Variants in CYTL1 observed in about 807,000 individuals in gnomAD.
The protein encoded by CYTL1 is cytokine like 1.
A neutral mutation model predicts 13.1 loss-of-function variants in CYTL1; 17 were observed. The observed-to-expected ratio is 1.29, with a 90% CI of 0.89 to 1.94. The LOEUF is 1.94. Among genes scored for constraint, CYTL1 ranks in the 30% most tolerant of loss-of-function variants. CYTL1 has a pLI of 0.00. For missense variants in CYTL1, 213 were observed against 174.8 expected (o/e 1.22, Z -1.23); for synonymous variants, 91 against 79.4 (o/e 1.15, Z -0.78).
At chr4:5,017,237 G>A (rs1431861821) in intron 1 of CYTL1, 58 bp from the exon 2 acceptor site, 1 of 1,566,650 alleles carries the variant, frequency 6.4e-7, no homozygotes, top group East Asian at 2.2e-5. Flanking sequence ...GGTCACAAAA[G>A]TCTCCCTAGT....
At chr4:5,019,003 CTTTTTTTTTTTTTTTTT>C (rs1186542271) in intron 1 of CYTL1, among the ~76,000 whole-genome samples, 1 of 89,646 alleles carries the variant, frequency 1.1e-5, no homozygotes, top group Non-Finnish European at 2.1e-5. Context: ...TTTCTTTTTT[CTTTTTTTTTTTTTTTTT>C]TTTTTTTACA....
chr4:5,015,451 A>G (rs1453043071), intron 3 of CYTL1, among the ~76,000 whole-genome samples: 1 of 152,004 alleles, frequency 6.6e-6, no homozygotes, highest in Non-Finnish European at 1.5e-5. Context: ...ATTCCAATAA[A>G]ATTTCATGTT....
chr4:5,017,282 G>A, intron 1 of CYTL1, 103 bp from the exon 2 acceptor site: 3 of 1,104,474 alleles, frequency 2.7e-6, no homozygotes, highest in Non-Finnish European at 2.6e-6. Flanking sequence ...CCAGATCCCT[G>A]GGGCCCTCCC....
At chr4:5,018,661 C>T (rs1320680039) in intron 1 of CYTL1, among the ~76,000 whole-genome samples, 6 of 152,232 alleles carry the variant, frequency 3.9e-5, no homozygotes, top group Non-Finnish European at 8.8e-5. Context: ...GAAGATCGTG[C>T]TCACATCAGC....
At position 5,017,051 on chromosome 4, in the gene CYTL1, C is replaced by T. The variant is rs954448779; in HGVS notation, c.198+84G>A. ...TGAGCTGCATAAGATCTCTCCCTGA[C>T]TCTGTGCCACACAGCCAGCAGCAGA... On this transcript the variant is annotated intron_variant, in intron 2 of 3. Coordinates refer to ENST00000307746, the MANE Select transcript of CYTL1 (RefSeq NM_018659.3). 1.8e-4 allele frequency: 295 copies of T among 1,605,792 alleles called. 2 individuals carry two copies. The highest frequency in any genetic ancestry group is 5.2e-4 in the Admixed American group (31 of 59,748).
Position 5,017,117 on chromosome 4 carries a change from C to A in CYTL1, c.198+18G>T, listed in dbSNP as rs765122406. The A allele has an allele frequency of 3.0e-5, 48 of 1,612,834 alleles. No homozygotes were observed. The highest frequency in any genetic ancestry group is 3.9e-5 in the Non-Finnish European group (46 of 1,179,354). ...CCCTCAGCCCAAGACCTCCCTCCCC[C>A]AGGGAGAACCCTCTTACGTGTATGT... On this transcript the variant is annotated intron_variant, in intron 2 of 3. Transcript: ENST00000307746.
chr4:5,019,314 G>C lies in CYTL1; in HGVS notation c.132C>G (p.Leu44=). Reference sequence around the variant, plus strand: ...TCACCGAGGGCTCCGAGACCTGCAGGAGGTTGAAGTCGCGGGTGATCTCCT... The same window carrying C: ...TCACCGAGGGCTCCGAGACCTGCAGCAGGTTGAAGTCGCGGGTGATCTCCT... The part of the protein sequence containing the change: ...LSQEITRDFN[L]LQVSEPSEPC... Residue 44 remains leucine, a synonymous_variant, in exon 1 of 4, where the codon CTC becomes CTG. Coordinates refer to ENST00000307746, the MANE Select transcript of CYTL1 (RefSeq NM_018659.3). 6.6e-7 allele frequency: 1 copy of C among 1,509,428 alleles called. No homozygotes were observed. The highest frequency in any genetic ancestry group is 8.8e-7 in the Non-Finnish European group (1 of 1,132,588). The allele number at this position is 1,509,428 out of a possible 1,614,324, so 93.5% of individuals were successfully genotyped here. A position where few individuals can be genotyped will look rare whatever the true frequency, so the allele number is the denominator to read the frequency against.
intron 2 of CYTL1, 29 bp downstream of exon 2, chr4:5,017,106 C>T (rs772655860): frequency 8.1e-6 from 13 of 1,611,718 alleles, no homozygotes; most frequent in South Asian, 7.7e-5. Flanking sequence ...CAGCCCAAGA[C>T]CTCCCTCCCC....
chr4:5,016,748 C>T, intron 3 of CYTL1, 88 bp downstream of exon 3: 1 of 1,501,880 alleles, frequency 6.7e-7, no homozygotes, highest in Middle Eastern at 1.8e-4. Context: ...TCCTTGTCAC[C>T]ATCTCCTCCC....
chr4:5,017,228 G>C (rs1037637826), intron 1 of CYTL1, 49 bp from the exon 2 acceptor site: 1 of 1,583,074 alleles, frequency 6.3e-7, no homozygotes, highest in Non-Finnish European at 8.6e-7. Context: ...GGCATACCTG[G>C]TCACAAAAGT....
chr4:5,018,996 C>CTTTTTTCTTTTTTTTTTTTTTTTTTTT (rs1741135908), intron 1 of CYTL1, among the ~76,000 whole-genome samples: 1 of 106,688 alleles, frequency 9.4e-6, no homozygotes, highest in Non-Finnish European at 1.9e-5. Flanking sequence ...CTTTTTTTTT[C>CTTTTTTCTTTTTTTTTTTTTTTTTTTT]TTTTTTCTTT....
chr4:5,017,044 T>C, intron 2 of CYTL1, 80 bp from the exon 3 acceptor site: 2 of 1,605,124 alleles, frequency 1.2e-6, no homozygotes, highest in South Asian at 1.1e-5. Flanking sequence ...ATAAGATCTC[T>C]CCCTGACTCT....
At chr4:5,016,647 C>T (rs1416249735) in intron 3 of CYTL1, among the ~76,000 whole-genome samples, 189 bp downstream of exon 3, 1 of 152,124 alleles carries the variant, frequency 6.6e-6, no homozygotes, top group East Asian at 1.9e-4. Flanking sequence ...GACAAAGGGC[C>T]TTGTCCTGAA....
At chr4:5,016,279 C>T (rs2108733117) in intron 3 of CYTL1, among the ~76,000 whole-genome samples, 1 of 152,272 alleles carries the variant, frequency 6.6e-6, no homozygotes, top group South Asian at 2.1e-4. Context: ...ATAAGCTAAA[C>T]AAACATCTTT....
In CYTL1 at chr4:5,014,879, T is replaced by C; in HGVS notation, c.*272A>G. 1 of 420,790 alleles carries C rather than the reference T, an allele frequency of 2.4e-6. No individual in the cohort carries two copies. Among genetic ancestry groups the C allele is most frequent in the African/African-American group, 2.0e-5 (1 of 49,482 alleles). 26.1% of individuals were successfully genotyped at this position (420,790 alleles called of 1,614,324 possible). A position where few individuals can be genotyped will look rare whatever the true frequency, so the allele number is the denominator to read the frequency against. On this transcript the variant is annotated 3_prime_UTR_variant, in exon 4 of 4. Transcript: ENST00000307746. ...TAAAAGTGAAGCTTGTTAGTCCTTTTCTTCTTTTTAGTGACCAAATCAACA... is the reference window on the plus strand; with the variant it reads ...TAAAAGTGAAGCTTGTTAGTCCTTTCCTTCTTTTTAGTGACCAAATCAACA...
chr4:5,015,331 G>A (rs1420678923), intron 3 of CYTL1, 97 bp from the exon 4 acceptor site: 13 of 914,982 alleles, frequency 1.4e-5, no homozygotes, highest in Non-Finnish European at 2.2e-5. Context: ...AGGCCATTCA[G>A]TTGTTCCTCT....
intron 1 of CYTL1, among the ~76,000 whole-genome samples, chr4:5,018,920 C>T (rs1049438210): frequency 6.6e-6 from 1 of 151,850 alleles, no homozygotes; most frequent in Non-Finnish European, 1.5e-5. Context: ...AAGCAATACA[C>T]AAGCTTCATT....
Position 5,015,105 on chromosome 4 carries a change from G to A in CYTL1, c.*46C>T. ...TCTGGCCCATTAAGTCTGGGTAGCT[G>A]ACATAACTGTAGTTCTCTTGGGTTC... On this transcript the variant is annotated 3_prime_UTR_variant, in exon 4 of 4. Coordinates refer to ENST00000307746, the MANE Select transcript of CYTL1 (RefSeq NM_018659.3). 2.0e-6 allele frequency: 3 copies of A among 1,518,810 alleles called. No individual in the cohort carries two copies. Among genetic ancestry groups the A allele is most frequent in the Non-Finnish European group, 2.7e-6 (3 of 1,095,540 alleles). The allele number at this position is 1,518,810 out of a possible 1,614,324, so 94.1% of individuals were successfully genotyped here. A position where few individuals can be genotyped will look rare whatever the true frequency, so the allele number is the denominator to read the frequency against.
In CYTL1 at chr4:5,017,118, A is replaced by T; in HGVS notation, c.198+17T>A. Reference sequence around the variant, plus strand: ...CCTCAGCCCAAGACCTCCCTCCCCCAGGGAGAACCCTCTTACGTGTATGTC... The same window carrying T: ...CCTCAGCCCAAGACCTCCCTCCCCCTGGGAGAACCCTCTTACGTGTATGTC... On this transcript the variant is annotated intron_variant, in intron 2 of 3. Transcript: ENST00000307746. The T allele has an allele frequency of 6.2e-7, 1 of 1,613,140 alleles. No homozygotes were observed. The highest frequency in any genetic ancestry group is 8.5e-7 in the Non-Finnish European group (1 of 1,179,454).
Sources: gnomAD v4.1 joint callset for allele counts (sites outside exome capture counted in the v4.1 genomes callset) on GRCh38, gnomAD v4.1.1 for gene constraint, MANE v1.5 for transcripts, NCBI Gene and HGNC (gene_info 2026-07-23, HGNC 2026-07-21) for gene names.